TSHZ3: variants seen among roughly 807,000 people sequenced by gnomAD.
TSHZ3 encodes teashirt homolog 3.
TSHZ3 carries 10 observed loss-of-function variants against 64.5 expected under a neutral mutation model. That is an observed-to-expected ratio of 0.16 (90% CI 0.10 to 0.26). The LOEUF (loss-of-function observed/expected upper bound fraction) is 0.26, where lower values mean the gene tolerates loss of function less well. Ranked by LOEUF, TSHZ3 falls within the 10% of genes least tolerant of loss-of-function variation. The probability of loss-of-function intolerance (pLI) is 1.00; values close to 1 mark genes in which losing one functional copy is unlikely to be tolerated. For missense variants in TSHZ3, 1,242 were observed against 1,421.7 expected, an observed-to-expected ratio of 0.87 and a Z score of 2.03; for synonymous variants, 608 against 593.1, an observed-to-expected ratio of 1.03 and a Z score of -0.36.
At chr19:31,284,721 T>C (rs1212714528) in intron 1 of TSHZ3, among the ~76,000 whole-genome samples, 1 of 152,168 alleles carries the variant, frequency 6.6e-6, no homozygotes, top group Non-Finnish European at 1.5e-5. Flanking sequence ...CCCTTATCCA[T>C]GGGGATCACT....
At chr19:31,194,167 G>T (rs1974952439) in intron 5 of TSHZ3, among the ~76,000 whole-genome samples, 1 of 152,204 alleles carries the variant, frequency 6.6e-6, no homozygotes, top group South Asian at 2.1e-4. Flanking sequence ...TGGAGTCTCA[G>T]TGTGGATAAA....
intron 5 of TSHZ3, among the ~76,000 whole-genome samples, chr19:31,163,413 C>T (rs1380049137): frequency 6.6e-6 from 1 of 152,004 alleles, no homozygotes; most frequent in African/African-American, 2.4e-5. Flanking sequence ...GTGGGGAGTA[C>T]AATTATTGGT....
intron 6 of TSHZ3, among the ~76,000 whole-genome samples, chr19:31,155,893 T>A (rs1183494075): frequency 2.6e-5 from 4 of 152,220 alleles, no homozygotes; most frequent in African/African-American, 9.6e-5. Flanking sequence ...CTTTCACAAG[T>A]CCCTTAGTGA....
intron 4 of TSHZ3, among the ~76,000 whole-genome samples, chr19:31,226,450 C>T (rs1247513920): frequency 6.6e-6 from 1 of 152,118 alleles, no homozygotes; most frequent in East Asian, 1.9e-4. Context: ...TCTTTGCCTG[C>T]CACTATGTAA....
chr19:31,254,033 C>A (rs1229807522), intron 1 of TSHZ3, among the ~76,000 whole-genome samples: 1 of 152,156 alleles, frequency 6.6e-6, no homozygotes, highest in East Asian at 1.9e-4. Context: ...CCACCCCCAT[C>A]TACAGAACAG....
Position 31,278,242 on chromosome 19 carries a change from C to T in TSHZ3, c.1551G>A (p.Lys517=), listed in dbSNP as rs1372309543. Residue 517 remains lysine, a synonymous_variant, in exon 2 of 2, where the codon AAG becomes AAA. Coordinates refer to ENST00000240587, the MANE Select transcript of TSHZ3 (RefSeq NM_020856.4). This position sits in a 1 kb window ranked among gnomAD's most constrained non-coding sequence, Gnocchi z 4.7. ...LTENDLEESP[K]GGLDILKSLE... is the part of the protein sequence containing the mutation. The stretch of plus-strand genomic sequence containing the variant: ...AGGATTTGAGGATATCAAGCCCCCC[C>T]TTGGGACTCTCTTCTAAGTCATTTT... The T allele has an allele frequency of 3.1e-6, 5 of 1,614,198 alleles. No homozygotes were observed. The highest frequency in any genetic ancestry group is 2.2e-5 in the East Asian group (1 of 44,876).
chr19:31,151,161 C>A (rs575859647), exon 7 of TSHZ3, among the ~76,000 whole-genome samples: 2 of 152,130 alleles, frequency 1.3e-5, no homozygotes, highest in Non-Finnish European at 2.9e-5. Flanking sequence ...AGGAGGCAGG[C>A]GGACAGGGCC....
At chr19:31,346,667 A>C (rs1485102360) in intron 1 of TSHZ3, among the ~76,000 whole-genome samples, 1 of 152,144 alleles carries the variant, frequency 6.6e-6, no homozygotes, top group African/African-American at 2.4e-5. Context: ...AGTACAAAGC[A>C]ATCAATTTGT....
intron 1 of TSHZ3, among the ~76,000 whole-genome samples, chr19:31,326,109 T>A (rs1028053620): frequency 6.6e-6 from 1 of 152,242 alleles, no homozygotes; most frequent in African/African-American, 2.4e-5. Context: ...ATATCCAAAG[T>A]ATATTCTTAG....
At chr19:31,173,020 G>A (rs1568336693) in intron 5 of TSHZ3, among the ~76,000 whole-genome samples, 1 of 152,206 alleles carries the variant, frequency 6.6e-6, no homozygotes, top group South Asian at 2.1e-4. Flanking sequence ...AAGGGCTCTA[G>A]CTCATGCTTA....
chr19:31,322,483 C>CAATCATAG (rs1350424232), intron 1 of TSHZ3, among the ~76,000 whole-genome samples: 2 of 152,000 alleles, frequency 1.3e-5, no homozygotes, highest in African/African-American at 2.4e-5. Flanking sequence ...TGCAGTGGTG[C>CAATCATAG]AATCATAGCT....
rs750208331 is a variant in TSHZ3 at position 31,279,245 on chromosome 19, C to T, written c.548G>A (p.Arg183His). The change falls in exon 2 of 2, where the codon CGC (arginine) becomes CAC (histidine). Residue 183 changes from arginine to histidine, a missense_variant. Arg to His is a conservative substitution (Grantham distance 29). Coordinates refer to ENST00000240587, the MANE Select transcript of TSHZ3 (RefSeq NM_020856.4). This position sits in a 1 kb window ranked among gnomAD's most constrained non-coding sequence, Gnocchi z 6.4. ...AKTLQQVSQS[R>H]MLPEPSLFST... is the part of the protein sequence containing the mutation. ...GAAGAGGCTGGGCTCCGGGAGCATG[C>T]GGCTCTGTGACACCTGCTGCAGCGT... 1.1e-5 allele frequency: 18 copies of T among 1,614,114 alleles called. No individual in the cohort carries two copies. Among genetic ancestry groups the T allele is most frequent in the African/African-American group, 2.7e-5 (2 of 75,032 alleles).
chr19:31,161,493 T>C (rs2145103612), intron 5 of TSHZ3, among the ~76,000 whole-genome samples: 1 of 152,304 alleles, frequency 6.6e-6, no homozygotes, highest in African/African-American at 2.4e-5. Flanking sequence ...GATTCACAGT[T>C]TTAGGGATAT....
chr19:31,298,672 G>A (rs545189748), intron 1 of TSHZ3, among the ~76,000 whole-genome samples: 20 of 152,196 alleles, frequency 1.3e-4, no homozygotes, highest in African/African-American at 4.8e-4. Context: ...CTATAAACCA[G>A]CCCGAGAAGG....
At chr19:31,183,908 A>G (rs552510310) in intron 5 of TSHZ3, among the ~76,000 whole-genome samples, 92 of 152,204 alleles carry the variant, frequency 6.0e-4, no homozygotes, top group Middle Eastern at 3.4e-3. Context: ...TAATACCAGT[A>G]CTCTCATTGC....
intron 5 of TSHZ3, among the ~76,000 whole-genome samples, chr19:31,200,936 T>C (rs945229551): frequency 2.0e-5 from 3 of 151,792 alleles, no homozygotes; most frequent in Non-Finnish European, 4.4e-5. Flanking sequence ...AATGATGAAG[T>C]GGGCTTTCAA....
At chr19:31,176,563 T>A (rs928019386) in intron 5 of TSHZ3, among the ~76,000 whole-genome samples, 3 of 152,070 alleles carry the variant, frequency 2.0e-5, no homozygotes, top group African/African-American at 4.8e-5. Flanking sequence ...GGAGGCCAAG[T>A]GGGGAGGATC....
intron 4 of TSHZ3, among the ~76,000 whole-genome samples, chr19:31,213,032 G>C (rs1032821451): frequency 6.6e-6 from 1 of 152,002 alleles, no homozygotes; most frequent in Non-Finnish European, 1.5e-5. Flanking sequence ...TCAACCATAC[G>C]ACATTCTGGA....
intron 5 of TSHZ3, among the ~76,000 whole-genome samples, chr19:31,181,517 C>A (rs916649108): frequency 6.6e-6 from 1 of 152,090 alleles, no homozygotes; most frequent in Non-Finnish European, 1.5e-5. Context: ...AGAGAACCAC[C>A]GTAGTGGCTT....
Sources: gnomAD v4.1 joint callset for allele counts (sites outside exome capture counted in the v4.1 genomes callset) on GRCh38, gnomAD v4.1.1 for gene constraint, Gnocchi (gnomAD v3.1) non-coding constraint, MANE v1.5 for transcripts, NCBI Gene and HGNC (gene_info 2026-07-23, HGNC 2026-07-21) for gene names.